TRAPPC8: variants seen among roughly 807,000 people sequenced by gnomAD.
TRAPPC8 encodes the protein trafficking protein particle complex subunit 8.
In TRAPPC8, 54 loss-of-function variants were observed where a neutral mutation model predicts 174.3. That is an observed-to-expected ratio of 0.31 (90% confidence interval 0.25 to 0.39). The LOEUF (loss-of-function observed/expected upper bound fraction) is 0.39, where lower values mean the gene tolerates loss of function less well. TRAPPC8 is among the 10% of genes least tolerant of loss of function. The pLI is 1.00. For synonymous variants in TRAPPC8, 630 were observed against 579.9 expected, an observed-to-expected ratio of 1.09 and a Z score of -1.24; for missense variants, 1,531 against 1,699.1, an observed-to-expected ratio of 0.90 and a Z score of 1.74.
At chr18:31,924,070 T>G (rs892033697) in intron 2 of TRAPPC8, among the ~76,000 whole-genome samples, 1 of 150,586 alleles carries the variant, frequency 6.6e-6, no homozygotes, top group Non-Finnish European at 1.5e-5. Flanking sequence ...GATCACCTGA[T>G]GTCAGGAGTT....
intron 2 of TRAPPC8, among the ~76,000 whole-genome samples, chr18:31,920,440 T>C (rs776655174): frequency 6.6e-6 from 1 of 152,196 alleles, no homozygotes; most frequent in Non-Finnish European, 1.5e-5. Flanking sequence ...ATAGTCTAAT[T>C]AGAAGAGTTA....
chr18:31,892,497 T>C (rs188182640), intron 11 of TRAPPC8, among the ~76,000 whole-genome samples: 21 of 152,322 alleles, frequency 1.4e-4, no homozygotes, highest in African/African-American at 5.1e-4. Flanking sequence ...CATAAAATGA[T>C]TTGATAACTA....
chr18:31,897,331 T>A (rs1394787079), intron 11 of TRAPPC8, among the ~76,000 whole-genome samples: 1 of 152,220 alleles, frequency 6.6e-6, no homozygotes, highest in African/African-American at 2.4e-5. Context: ...AAGATGATTT[T>A]CTTAAAAAGT....
chr18:31,886,260 T>C (rs142046295), intron 12 of TRAPPC8, among the ~76,000 whole-genome samples: 8,847 of 150,106 alleles, frequency 0.059, 278 homozygotes, highest in Middle Eastern at 0.11. Flanking sequence ...CAGCCCACCT[T>C]GGCCTCTCAA....
rs184734493 is a variant in TRAPPC8, at chr18:31,838,814, T to C, written c.3983+498A>G. On this transcript the variant is annotated intron_variant, in intron 27 of 28. Coordinates refer to ENST00000283351, the MANE Select transcript of TRAPPC8 (RefSeq NM_014939.5). Reference sequence around the variant, plus strand: ...CTTCCTAATTTTTTAATTAGTTCTTTTTCTTCAGTTTTCTTCATAGGCTTC... The same window carrying C: ...CTTCCTAATTTTTTAATTAGTTCTTCTTCTTCAGTTTTCTTCATAGGCTTC... Among the ~76,000 whole-genome samples, 152 of 152,238 alleles carry C rather than the reference T, an allele frequency of 1.0e-3. 1 individual carries two copies. The highest frequency in any genetic ancestry group is 5.3e-3 in the Admixed American group (81 of 15,298).
chr18:31,902,278 C>A (rs2036462016), intron 9 of TRAPPC8, among the ~76,000 whole-genome samples: 1 of 152,176 alleles, frequency 6.6e-6, no homozygotes, highest in African/African-American at 2.4e-5. Flanking sequence ...TTGCACTGAG[C>A]CGAGATAGTG....
At chr18:31,919,243 A>G (rs2037272029) in intron 2 of TRAPPC8, among the ~76,000 whole-genome samples, 1 of 151,980 alleles carries the variant, frequency 6.6e-6, no homozygotes, top group African/African-American at 2.4e-5. Flanking sequence ...TAATCCTAAC[A>G]CTTTGGAGGC....
chr18:31,861,936 A>AAG (rs2034345532), intron 19 of TRAPPC8, among the ~76,000 whole-genome samples: 4 of 64,258 alleles, frequency 6.2e-5, no homozygotes, highest in Middle Eastern at 8.9e-3. Context: ...AAAAAAAAAA[A>AAG]GGGGGGGGGG....
chr18:31,833,789 G>T (rs1197135271), intron 27 of TRAPPC8, among the ~76,000 whole-genome samples: 1 of 151,958 alleles, frequency 6.6e-6, no homozygotes, highest in African/African-American at 2.4e-5. Context: ...GGATCACAAG[G>T]TCAGGAGATC....
chr18:31,873,254 T>C (rs1382629992), intron 14 of TRAPPC8, among the ~76,000 whole-genome samples, 176 bp downstream of exon 14: 2 of 152,092 alleles, frequency 1.3e-5, no homozygotes, highest in Non-Finnish European at 2.9e-5. Flanking sequence ...CCTGACCTCA[T>C]GATCTGCCGG....
chr18:31,880,116 TATA>T (rs1443287469), intron 12 of TRAPPC8, among the ~76,000 whole-genome samples: 4 of 88,086 alleles, frequency 4.5e-5, no homozygotes, highest in African/African-American at 9.1e-5. Context: ...TATATATATA[TATA>T]TATTTTTTTT....
In TRAPPC8 at chr18:31,908,324, A is replaced by G; in HGVS notation, c.1217T>C (p.Leu406Pro). 6.2e-7 allele frequency: 1 copy of G among 1,601,490 alleles called. No individual in the cohort carries two copies. Residue 406 changes from leucine to proline, a missense_variant, in exon 8 of 29, where the codon CTG becomes CCG. Physicochemically the swap from Leu to Pro is moderately conservative, Grantham distance 98. Transcript: ENST00000283351. ...TCACAGCAAGCCAGATGTATTTTTC[A>G]GGTCATTAATGCTCTTTTCTGGAAC... Reference protein sequence around the residue: ...SKVPEKSINDLKNTSGLLYPP... With the variant: ...SKVPEKSINDPKNTSGLLYPP...
At chr18:31,929,699 CTAAG>C (rs1423309534) in intron 2 of TRAPPC8, among the ~76,000 whole-genome samples, 2 of 152,092 alleles carry the variant, frequency 1.3e-5, no homozygotes, top group Non-Finnish European at 2.9e-5. Flanking sequence ...AAAAGAAACA[CTAAG>C]TGACTTATTC....
chr18:31,900,936 T>G lies in TRAPPC8; in HGVS notation c.1479A>C (p.Arg493Ser), dbSNP rs1322117813. The G allele has an allele frequency of 6.3e-7, 1 of 1,591,714 alleles. No homozygotes were observed. Among genetic ancestry groups the G allele is most frequent in the Non-Finnish European group, 8.5e-7 (1 of 1,173,694 alleles). Residue 493 changes from arginine to serine, a missense_variant, in exon 10 of 29, where the codon AGA becomes AGC. Transcript: ENST00000283351. Reference protein sequence around the residue: ...HYMDTAIQTYRDICKNMVLAE... With the variant: ...HYMDTAIQTYSDICKNMVLAE... ...ATATAGTCACCTACTTGCAGATATCTCTGTATGTCTGAATTGCTGTATCCA... is the reference window on the plus strand; with the variant it reads ...ATATAGTCACCTACTTGCAGATATCGCTGTATGTCTGAATTGCTGTATCCA...
Position 31,885,093 on chromosome 18 carries a change from G to A in TRAPPC8, c.1728+5642C>T, listed in dbSNP as rs949542017. ...AGGATGGTCTCGATCTCCTGACCTC[G>A]TGATCCGCCTGCGTCGGCCTCCCAA... On this transcript the variant is annotated intron_variant, in intron 12 of 28. Coordinates refer to ENST00000283351, the MANE Select transcript of TRAPPC8 (RefSeq NM_014939.5). Among the ~76,000 whole-genome samples the A allele has an allele frequency of 9.2e-5, 14 of 152,106 alleles. No individual in the cohort carries two copies. The East Asian group carries it at 2.1e-3, about 23-fold the overall frequency.
intron 2 of TRAPPC8, among the ~76,000 whole-genome samples, chr18:31,924,094 G>A (rs2037505468): frequency 6.6e-6 from 1 of 151,750 alleles, no homozygotes. Context: ...GACCAGCCTG[G>A]CCAACGTGGT....
intron 26 of TRAPPC8, chr18:31,844,539 C>CA (rs376858079): frequency 6.6e-6 from 1 of 151,480 alleles, no homozygotes; most frequent in Non-Finnish European, 1.5e-5. Context: ...TTCAAGTCAC[C>CA]AAAAAAATAC....
intron 26 of TRAPPC8, among the ~76,000 whole-genome samples, chr18:31,840,256 C>T (rs2033014714): frequency 6.6e-6 from 1 of 152,030 alleles, no homozygotes; most frequent in African/African-American, 2.4e-5. Context: ...ACTCAGGAGG[C>T]TGAGGCAGGA....
In TRAPPC8 at chr18:31,942,957, C is replaced by A. The variant is rs566717427; in HGVS notation, c.-193G>T. ...CTGGGGCACAATCCACTGACCCCCCCCTTCCCGTCACCGCCGCTTCTCAGC... is the reference window on the plus strand; with the variant it reads ...CTGGGGCACAATCCACTGACCCCCCACTTCCCGTCACCGCCGCTTCTCAGC... On this transcript the variant is annotated 5_prime_UTR_variant, in exon 1 of 29. Coordinates refer to ENST00000283351, the MANE Select transcript of TRAPPC8 (RefSeq NM_014939.5). 83 of 1,146,750 alleles carry A rather than the reference C, an allele frequency of 7.2e-5. 1 individual carries two copies. Among genetic ancestry groups the A allele is most frequent in the African/African-American group, 6.8e-4 (43 of 62,806 alleles). 71.0% of individuals were successfully genotyped at this position (1,146,750 alleles called of 1,614,324 possible).
Sources: gnomAD v4.1 joint callset for allele counts (sites outside exome capture counted in the v4.1 genomes callset) on GRCh38, gnomAD v4.1.1 for gene constraint, MANE v1.5 for transcripts, NCBI Gene and HGNC (gene_info 2026-07-23, HGNC 2026-07-21) for gene names.